Variants in ANKDD1A observed in about 807,000 individuals in gnomAD.
ANKDD1A encodes ankyrin repeat and death domain containing 1A.
Under a neutral mutation model 63.5 loss-of-function variants are expected in ANKDD1A, and 59 were observed. That is an observed-to-expected ratio of 0.93 (90% CI 0.75 to 1.15). ANKDD1A has a LOEUF of 1.15. Among genes scored for constraint, ANKDD1A ranks in the 50% most tolerant of loss-of-function variants. ANKDD1A has a pLI of 0.00. For synonymous variants in ANKDD1A, 266 were observed against 263.9 expected, an observed-to-expected ratio of 1.01 and a Z score of -0.08; for missense variants, 632 against 656.4, an observed-to-expected ratio of 0.96 and a Z score of 0.41.
rs2085008258 is a variant in ANKDD1A at position 64,921,790 on chromosome 15, T to G, written c.268-131T>G. ...TCTTGGTCTTTAAACTCCTAAAGCT[T>G]GGAGCTCCCTGGATTAAGTGGCACT... On this transcript the variant is annotated intron_variant, in intron 3 of 14. Transcript: ENST00000319580. 1.3e-5 allele frequency: 9 copies of G among 698,356 alleles called. No homozygotes were observed. The Admixed American group carries it at 2.4e-4, about 18-fold the overall frequency. The allele number at this position is 698,356 out of a possible 1,614,324, so 43.3% of individuals were successfully genotyped here. A position where few individuals can be genotyped will look rare whatever the true frequency, so the allele number is the denominator to read the frequency against.
At position 64,917,467 on chromosome 15, in the gene ANKDD1A, G is replaced by A; in HGVS notation, c.220G>A (p.Val74Met). 6.2e-7 allele frequency: 1 copy of A among 1,603,314 alleles called. No homozygotes were observed. The highest frequency in any genetic ancestry group is 2.2e-5 in the East Asian group (1 of 44,450). Residue 74 changes from valine (V) to methionine (M), a missense_variant, in exon 3 of 15, where the codon GTG becomes ATG. Val to Met is a conservative substitution (Grantham distance 21). Coordinates refer to ENST00000319580, the MANE Select transcript of ANKDD1A (RefSeq NM_182703.6). ...VRLLLEHEAA[V>M]DEEDAVGALT... ...TCTGCTTCTGGAGCACGAGGCTGCTGTGGACGAGGAGGATGCGGTAGGGGC... is the reference window on the plus strand; with the variant it reads ...TCTGCTTCTGGAGCACGAGGCTGCTATGGACGAGGAGGATGCGGTAGGGGC...
intron 14 of ANKDD1A, among the ~76,000 whole-genome samples, chr15:64,953,658 T>TCTTCCTC (rs1566917758): frequency 7.6e-6 from 1 of 130,802 alleles, no homozygotes; most frequent in Non-Finnish European, 1.6e-5. Flanking sequence ...TTCTCCTTCT[T>TCTTCCTC]TTCTTTCTTC....
chr15:64,926,206 G>C (rs1161221009), intron 5 of ANKDD1A, 36 bp downstream of exon 5: 10 of 1,597,060 alleles, frequency 6.3e-6, no homozygotes, highest in Non-Finnish European at 8.6e-6. Context: ...CATTCCCATT[G>C]GGCGGGGGGC....
At position 64,945,607 on chromosome 15, in the gene ANKDD1A, C is replaced by CTTATATATATATATATATATATAT. The variant is rs1277861527; in HGVS notation, c.1161+860_1161+861insTTATATATATATATATATATATAT. Among the ~76,000 whole-genome samples, 62 of 73,852 alleles carry CTTATATATATATATATATATATAT rather than the reference C, an allele frequency of 8.4e-4. 4 individuals are homozygous for CTTATATATATATATATATATATAT. Among genetic ancestry groups the CTTATATATATATATATATATATAT allele is most frequent in the African/African-American group, 3.4e-3 (55 of 16,194 alleles). The allele number at this position is 73,852 out of a possible 152,430, so 48.4% of individuals were successfully genotyped here. A position where few individuals can be genotyped will look rare whatever the true frequency, so the allele number is the denominator to read the frequency against. Reference sequence around the variant, plus strand: ...TTAGAGGGATTAAATGCATTTTCAACATATATATATATATATATATATATG... The same window carrying CTTATATATATATATATATATATAT: ...TTAGAGGGATTAAATGCATTTTCAACTTATATATATATATATATATATATATATATATATATATATATATATATG... On this transcript the variant is annotated intron_variant, in intron 12 of 14. Coordinates refer to ENST00000319580, the MANE Select transcript of ANKDD1A (RefSeq NM_182703.6).
chr15:64,952,696 TTC>T (rs1297395610), intron 14 of ANKDD1A, among the ~76,000 whole-genome samples: 2 of 144,338 alleles, frequency 1.4e-5, no homozygotes, highest in East Asian at 2.1e-4. Context: ...CTCCTTTTTC[TTC>T]TTAGTTCTTC....
chr15:64,942,539 G>A lies in ANKDD1A; in HGVS notation c.940G>A (p.Asp314Asn), dbSNP rs373786884. The change falls in exon 10 of 15, where the codon GAC (aspartate) becomes AAC (asparagine). Residue 314 changes from aspartate to asparagine, a missense_variant. By Grantham distance (23) the Asp-to-Asn change is conservative. Coordinates refer to ENST00000319580, the MANE Select transcript of ANKDD1A (RefSeq NM_182703.6). ...CTTGGTCCGGCTCCTCATCAACTCC[G>A]ACAGTGACGTGAATGCCGTGGACAA... Reference protein sequence around the residue: ...PALVRLLINSDSDVNAVDNRQ... With the variant: ...PALVRLLINSNSDVNAVDNRQ... The A allele has an allele frequency of 1.9e-6, 3 of 1,613,778 alleles. No homozygotes were observed. The highest frequency in any genetic ancestry group is 8.5e-7 in the Non-Finnish European group (1 of 1,179,892).
At chr15:64,950,002 C>T in intron 14 of ANKDD1A, 30 bp downstream of exon 14, 1 of 1,601,432 alleles carries the variant, frequency 6.2e-7, no homozygotes, top group Non-Finnish European at 8.5e-7. Context: ...GGCTGCTTCT[C>T]AGGAGCTGGG....
At position 64,949,832 on chromosome 15, in the gene ANKDD1A, T is replaced by G; in HGVS notation, c.1352-9T>G. The G allele has an allele frequency of 6.2e-7, 1 of 1,600,200 alleles. No individual in the cohort carries two copies. The highest frequency in any genetic ancestry group is 8.5e-7 in the Non-Finnish European group (1 of 1,179,304). The stretch of plus-strand genomic sequence containing the variant: ...TCTCCCTCTCTCTCTCCTCCCTCAC[T>G]GTTCTCAGGCACCAGGAGCTATCAG... On this transcript the variant is annotated splice_polypyrimidine_tract_variant and intron_variant, in intron 13 of 14. Transcript: ENST00000319580.
chr15:64,945,606 A>ATT, intron 12 of ANKDD1A, among the ~76,000 whole-genome samples: 1 of 23,668 alleles, frequency 4.2e-5, no homozygotes, highest in African/African-American at 1.5e-4. Flanking sequence ...TGCATTTTCA[A>ATT]CATATATATA....
rs2084965165 is a variant in ANKDD1A at position 64,915,912 on chromosome 15, G to A, written c.138+12G>A. 6.2e-7 allele frequency: 1 copy of A among 1,611,546 alleles called. No homozygotes were observed. The highest frequency in any genetic ancestry group is 1.3e-5 in the African/African-American group (1 of 74,914). On this transcript the variant is annotated intron_variant, in intron 2 of 14. Transcript: ENST00000319580. ...GGGCCAGAAACCACGTGCGTAATGA[G>A]CTTCTCTGAATCCAGGCACCTGGGA...
intron 8 of ANKDD1A, 96 bp downstream of exon 8, chr15:64,931,681 A>C (rs1212427466): frequency 2.3e-6 from 3 of 1,333,114 alleles, no homozygotes; most frequent in Non-Finnish European, 3.2e-6. Context: ...ACCCTGAGTG[A>C]ATAGAGGCTT....
In ANKDD1A at chr15:64,930,128, A is replaced by G. The variant is rs373233715; in HGVS notation, c.571-694A>G. Among the ~76,000 whole-genome samples the G allele has an allele frequency of 1.3e-5, 2 of 152,140 alleles. 1 individual carries two copies. Among genetic ancestry groups the G allele is most frequent in the African/African-American group, 4.8e-5 (2 of 41,426 alleles). The stretch of plus-strand genomic sequence containing the variant: ...CAAAGTTAGGGAGAGCATCAGGGCA[A>G]ATAGCTAATGCATGCAGTGCTTAAT... On this transcript the variant is annotated intron_variant, in intron 6 of 14. Coordinates refer to ENST00000319580, the MANE Select transcript of ANKDD1A (RefSeq NM_182703.6).
chr15:64,912,671 A>G (rs934099691), intron 1 of ANKDD1A, among the ~76,000 whole-genome samples: 1 of 152,238 alleles, frequency 6.6e-6, no homozygotes. Flanking sequence ...CGGTGTCTGC[A>G]CTGTGAGTCC....
At position 64,954,008 on chromosome 15, in the gene ANKDD1A, TTCCTTCTTTCCTC is replaced by T. The variant is rs2085369699; in HGVS notation, c.1484-3093_1484-3081del. On this transcript the variant is annotated intron_variant, in intron 14 of 14. Transcript: ENST00000319580. ...TCTTCTTCCTTTCTTTCCTTTCTTC[TTCCTTCTTTCCTC>T]TTCTTTTCTTTCTTCTTCCTCTTCT... 9.0e-3 allele frequency among the ~76,000 whole-genome samples: 997 copies of T among 110,240 alleles called. 48 individuals carry two copies. The South Asian group carries it at 0.13, about 15-fold the overall frequency. The allele number at this position is 110,240 out of a possible 152,430, so 72.3% of individuals were successfully genotyped here.
At chr15:64,945,617 T>TATATATATATATATATACAC (rs1177204265) in intron 12 of ANKDD1A, among the ~76,000 whole-genome samples, 1 of 71,278 alleles carries the variant, frequency 1.4e-5, no homozygotes, top group African/African-American at 6.2e-5. Flanking sequence ...CATATATATA[T>TATATATATATATATATACAC]ATATATATAT....
intron 9 of ANKDD1A, among the ~76,000 whole-genome samples, chr15:64,935,526 T>C (rs533336311): frequency 6.6e-6 from 1 of 151,968 alleles, no homozygotes; most frequent in South Asian, 2.1e-4. Context: ...ATACAAAAAA[T>C]TAGCCGGGCT....
chr15:64,950,261 T>TAC (rs2085259027), intron 14 of ANKDD1A: 1 of 985,276 alleles, frequency 1.0e-6, no homozygotes, highest in Non-Finnish European at 1.2e-6. Context: ...CAGCCCTCTA[T>TAC]ACCTTGACAT....
intron 14 of ANKDD1A, among the ~76,000 whole-genome samples, chr15:64,954,900 C>T (rs2085401492): frequency 7.4e-6 from 1 of 135,974 alleles, no homozygotes; most frequent in Non-Finnish European, 1.6e-5. Flanking sequence ...CTTCTTCCTT[C>T]TTCTCTTGTC....
chr15:64,953,875 C>T (rs1271270924), intron 14 of ANKDD1A, among the ~76,000 whole-genome samples: 2 of 130,530 alleles, frequency 1.5e-5, no homozygotes, highest in Non-Finnish European at 3.2e-5. Flanking sequence ...CTTTCTTCTT[C>T]ATTCTTTCTT....
Sources: allele counts gnomAD v4.1 joint callset (sites outside exome capture counted in the v4.1 genomes callset), GRCh38; gene constraint gnomAD v4.1.1; transcripts MANE v1.5; gene names NCBI Gene and HGNC (gene_info 2026-07-23, HGNC 2026-07-21).